TRHDE: variants seen among roughly 807,000 people sequenced by gnomAD.
The protein encoded by TRHDE is thyrotropin-releasing hormone-degrading ectoenzyme.
In TRHDE, 72 loss-of-function variants were observed where a neutral mutation model predicts 125.7. The observed-to-expected ratio is 0.57, with a 90% CI of 0.47 to 0.70. The LOEUF (loss-of-function observed/expected upper bound fraction) is 0.70. Among genes scored for constraint, TRHDE ranks in the 30% least tolerant of loss-of-function variants. TRHDE has a pLI of 0.00. For synonymous variants in TRHDE, 509 were observed against 509.1 expected, an observed-to-expected ratio of 1.00 and a Z score of 0.00; for missense variants, 1,110 against 1,327.1, an observed-to-expected ratio of 0.84 and a Z score of 2.54.
intron 2 of TRHDE, among the ~76,000 whole-genome samples, chr12:72,135,931 G>A (rs1319664776): frequency 2.6e-5 from 4 of 151,974 alleles, no homozygotes; most frequent in Non-Finnish European, 5.9e-5. Context: ...CTTGGGGCTC[G>A]TTTTTTCCTG....
At chr12:72,136,759 A>G (rs1193514161) in intron 2 of TRHDE, among the ~76,000 whole-genome samples, 1 of 152,210 alleles carries the variant, frequency 6.6e-6, no homozygotes, top group Non-Finnish European at 1.5e-5. Context: ...TAGTCGTTGT[A>G]TGGAGGAGAA....
chr12:72,512,487 A>T (rs189301844), intron 6 of TRHDE, among the ~76,000 whole-genome samples: 336 of 139,374 alleles, frequency 2.4e-3, no homozygotes, highest in Admixed American at 4.8e-3. Context: ...ATTATATAAT[A>T]ATAATATATT....
chr12:72,286,833 T>C lies in TRHDE; in HGVS notation c.1067T>C (p.Phe356Ser), dbSNP rs972373808. The change falls in exon 2 of 19, where the codon TTT becomes TCT. Residue 356 changes from phenylalanine (F) to serine (S), a missense_variant. Physicochemically the swap from Phe to Ser is radical, Grantham distance 155. This residue lies in a region of TRHDE where 252 missense variants were observed against 274.8 expected (regional missense o/e 0.92). Transcript: ENST00000261180. ...AATATGCCAGTGGAAACTTCCGTGT[T>C]TGAGGAAGATGGATGGGTTACGGAT... ...LSNMPVETSV[F>S]EEDGWVTDHF... 2 of 1,613,932 alleles carry C rather than the reference T, an allele frequency of 1.2e-6. No individual in the cohort carries two copies. The highest frequency in any genetic ancestry group is 3.3e-5 in the Admixed American group (2 of 59,972).
At chr12:72,213,974 A>G (rs1308358847) in intron 2 of TRHDE, among the ~76,000 whole-genome samples, 3 of 152,186 alleles carry the variant, frequency 2.0e-5, no homozygotes, top group Non-Finnish European at 4.4e-5. Context: ...GAATGAAAAC[A>G]GCAACAGTCC....
At chr12:72,390,607 A>G (rs2135790501) in intron 3 of TRHDE, among the ~76,000 whole-genome samples, 1 of 152,332 alleles carries the variant, frequency 6.6e-6, no homozygotes, top group South Asian at 2.1e-4. Context: ...TAAGAGAGAA[A>G]TAGTCAAAAT....
intron 1 of TRHDE, among the ~76,000 whole-genome samples, chr12:72,278,066 T>C (rs533760017): frequency 6.6e-6 from 1 of 152,148 alleles, no homozygotes; most frequent in African/African-American, 2.4e-5. Flanking sequence ...TAATTATATA[T>C]CCTTTGACCA....
In TRHDE at chr12:72,652,464, A is replaced by G. The variant is rs1332674087; in HGVS notation, c.2818A>G (p.Ser940Gly). Residue 940 changes from serine to glycine, a missense_variant, in exon 16 of 19, where the codon AGT becomes GGT. Around this residue, in one of 5 missense-constraint regions of TRHDE, gnomAD observed 527 missense variants for 651.8 expected, o/e 0.81. Transcript: ENST00000261180. ...KKILLEALTC[S>G]DDRNLLNRLL... is the part of the protein sequence containing the mutation. Reference sequence around the variant, plus strand: ...AATATTATTGGAAGCCTTAACTTGCAGTGATGACAGGAATTTATTAAACAG... The same window carrying G: ...AATATTATTGGAAGCCTTAACTTGCGGTGATGACAGGAATTTATTAAACAG... 2 of 1,607,628 alleles carry G rather than the reference A, an allele frequency of 1.2e-6. No homozygotes were observed. Among genetic ancestry groups the G allele is most frequent in the Non-Finnish European group, 1.7e-6 (2 of 1,176,750 alleles).
intron 2 of TRHDE, among the ~76,000 whole-genome samples, chr12:72,339,064 G>A (rs118177820): frequency 6.6e-6 from 1 of 152,068 alleles, no homozygotes; most frequent in South Asian, 2.1e-4. Context: ...GTGATTTGTT[G>A]TATGACAGAT....
chr12:72,409,879 G>A (rs1873420473), intron 3 of TRHDE, among the ~76,000 whole-genome samples: 1 of 151,960 alleles, frequency 6.6e-6, no homozygotes, highest in Non-Finnish European at 1.5e-5. Flanking sequence ...ATATTGAGAG[G>A]GGAATAAATA....
At chr12:72,284,935 A>ACATATTTTCCTT (rs1268638386) in intron 1 of TRHDE, among the ~76,000 whole-genome samples, 1 of 152,182 alleles carries the variant, frequency 6.6e-6, no homozygotes, top group Non-Finnish European at 1.5e-5. Flanking sequence ...ACTAATGAAA[A>ACATATTTTCCTT]AACAGGGTCA....
At chr12:72,295,977 C>T (rs1445799633) in intron 2 of TRHDE, among the ~76,000 whole-genome samples, 2 of 152,158 alleles carry the variant, frequency 1.3e-5, no homozygotes, top group Non-Finnish European at 2.9e-5. Context: ...TGATAGTCAT[C>T]CTCCTCCTCT....
intron 9 of TRHDE, among the ~76,000 whole-genome samples, chr12:72,564,769 C>G (rs1214892): frequency 0.97 from 144,644 of 149,300 alleles, 70,089 homozygotes; most frequent in East Asian, 1. Flanking sequence ...CCAGGTTCAC[C>G]CCATTCTCCT....
intron 2 of TRHDE, among the ~76,000 whole-genome samples, chr12:72,122,407 G>A (rs772903600): frequency 1.3e-5 from 2 of 152,058 alleles, no homozygotes; most frequent in Non-Finnish European, 2.9e-5. Context: ...AAGAATTTTA[G>A]ACAGTGACAA....
intron 5 of TRHDE, among the ~76,000 whole-genome samples, chr12:72,492,766 C>T (rs995889884): frequency 7.3e-5 from 11 of 151,716 alleles, no homozygotes; most frequent in Admixed American, 2.0e-4. Context: ...TCTTAAAAGT[C>T]TTTATCATGT....
At chr12:72,121,783 C>A (rs1287420798) in intron 2 of TRHDE, among the ~76,000 whole-genome samples, 2 of 132,310 alleles carry the variant, frequency 1.5e-5, no homozygotes, top group Non-Finnish European at 3.1e-5. Flanking sequence ...ATGGGGAGAA[C>A]AATTGGTGGT....
intron 5 of TRHDE, among the ~76,000 whole-genome samples, chr12:72,489,527 T>C (rs137894212): frequency 2.0e-4 from 30 of 151,858 alleles, no homozygotes; most frequent in African/African-American, 7.2e-4. Context: ...TAAAAAACCT[T>C]GAATAGCCCA....
intron 1 of TRHDE, among the ~76,000 whole-genome samples, chr12:72,098,401 G>C (rs1874987550): frequency 6.6e-6 from 1 of 151,878 alleles, no homozygotes; most frequent in African/African-American, 2.4e-5. Context: ...AGTCAATCTG[G>C]ATGACTTTTT....
chr12:72,271,442 A>C (rs1196074652), upstream of TRHDE, among the ~76,000 whole-genome samples: 2 of 152,094 alleles, frequency 1.3e-5, no homozygotes, highest in Admixed American at 1.3e-4. Flanking sequence ...CTAAGGAGTC[A>C]GGAAGAGGGG....
At chr12:72,369,664 C>T (rs537981287) in intron 2 of TRHDE, among the ~76,000 whole-genome samples, 232 of 152,186 alleles carry the variant, frequency 1.5e-3, no homozygotes, top group African/African-American at 5.5e-3. Context: ...TAATGACTCT[C>T]ACAACTAGAC....
Sources: allele counts gnomAD v4.1 joint callset (sites outside exome capture counted in the v4.1 genomes callset), GRCh38; gene constraint gnomAD v4.1.1; regional missense constraint gnomAD v4.1.1; transcripts MANE v1.5; gene names NCBI Gene and HGNC (gene_info 2026-07-23, HGNC 2026-07-21).